CACNA1D: variants seen among roughly 807,000 people sequenced by gnomAD.
CACNA1D encodes the protein voltage-dependent L-type calcium channel subunit alpha-1D.
CACNA1D carries 55 observed loss-of-function variants against 257.1 expected under a neutral mutation model. The observed-to-expected ratio is 0.21, with a 90% CI of 0.17 to 0.27. CACNA1D has a LOEUF of 0.27. Among genes scored for constraint, CACNA1D ranks in the 10% least tolerant of loss-of-function variants. The pLI, the probability that CACNA1D is intolerant of heterozygous loss-of-function variation, is 1.00. For synonymous variants in CACNA1D, 980 were observed against 1,014.9 expected, an observed-to-expected ratio of 0.97 and a Z score of 0.65; for missense variants, 1,876 against 2,784.0, an observed-to-expected ratio of 0.67 and a Z score of 7.34.
Position 53,749,308 on chromosome 3 carries a change from G to A in CACNA1D, c.3355G>A (p.Gly1119Ser), listed in dbSNP as rs199788509. ...KAIDSNGENI[G>S]PIYNHRVEIS... ...CATCGACTCGAATGGAGAGAACATC[G>A]GCCCAATCTACAACCACCGCGTGGA... The change falls in exon 27 of 48, where the codon GGC (glycine) becomes AGC (serine). Residue 1119 changes from glycine (G) to serine (S), a missense_variant. Physicochemically the swap from Gly to Ser is moderately conservative, Grantham distance 56. Coordinates refer to ENST00000350061, the MANE Select transcript of CACNA1D (RefSeq NM_001128840.3). The A allele has an allele frequency of 1.2e-5, 19 of 1,613,914 alleles. No individual in the cohort carries two copies. In the Admixed American group the frequency reaches 1.5e-4, roughly 13 times the overall value.
intron 4 of CACNA1D, among the ~76,000 whole-genome samples, chr3:53,655,728 TG>T (rs989893788): frequency 7.9e-5 from 12 of 152,172 alleles, no homozygotes; most frequent in Admixed American, 7.9e-4. Context: ...TCTCTCATTC[TG>T]TAGGTTGTCT....
At chr3:53,530,145 A>G (rs932667083) in intron 3 of CACNA1D, among the ~76,000 whole-genome samples, 4 of 152,244 alleles carry the variant, frequency 2.6e-5, no homozygotes, top group African/African-American at 9.6e-5. Flanking sequence ...GAGCAGAGGT[A>G]AAGTATAGAA....
Position 53,776,641 on chromosome 3 carries a change from C to T in CACNA1D, c.4401C>T (p.Phe1467=), listed in dbSNP as rs747138141. ...TTGTGGCTGTCATCATGGATAATTT[C>T]GACTATCTGACCCGGGACTGGTCTA... ...NLFVAVIMDN[F]DYLTRDWSIL... Residue 1467 remains phenylalanine, a synonymous_variant, in exon 36 of 48, where the codon TTC becomes TTT. Transcript: ENST00000350061. The T allele has an allele frequency of 1.2e-5, 19 of 1,614,026 alleles. No homozygotes were observed. Among genetic ancestry groups the T allele is most frequent in the Middle Eastern group, 1.6e-4 (1 of 6,084 alleles).
intron 3 of CACNA1D, among the ~76,000 whole-genome samples, chr3:53,559,295 T>A (rs2092697723): frequency 6.6e-6 from 1 of 152,224 alleles, no homozygotes; most frequent in African/African-American, 2.4e-5. Context: ...AATTATTTGT[T>A]TGATAATTCT....
chr3:53,662,601 TGAG>T (rs1308954800), intron 5 of CACNA1D, among the ~76,000 whole-genome samples: 1 of 152,184 alleles, frequency 6.6e-6, no homozygotes. Context: ...TCACAGCTAG[TGAG>T]TAGCCAGACA....
intron 40 of CACNA1D, among the ~76,000 whole-genome samples, chr3:53,796,854 T>A (rs950554770): frequency 1.3e-5 from 2 of 152,216 alleles, no homozygotes; most frequent in African/African-American, 4.8e-5. Context: ...TTAAAATAAG[T>A]CAATAATGTT....
chr3:53,715,701 C>T (rs1190695521), intron 9 of CACNA1D, among the ~76,000 whole-genome samples: 1 of 152,176 alleles, frequency 6.6e-6, no homozygotes, highest in Admixed American at 6.5e-5. Flanking sequence ...TAGATCTGGC[C>T]AACCTGTGCA....
At chr3:53,561,775 A>G (rs1385750872) in intron 3 of CACNA1D, among the ~76,000 whole-genome samples, 2 of 152,192 alleles carry the variant, frequency 1.3e-5, no homozygotes, top group East Asian at 3.8e-4. Flanking sequence ...GCCTTGATGA[A>G]GTACTGGTAT....
chr3:53,777,570 C>T (rs1408765260), intron 37 of CACNA1D, among the ~76,000 whole-genome samples: 2 of 152,092 alleles, frequency 1.3e-5, no homozygotes, highest in African/African-American at 2.4e-5. Context: ...GACTTGGTGG[C>T]CTGGGTGAGG....
At chr3:53,652,679 G>A (rs1198822399) in intron 4 of CACNA1D, among the ~76,000 whole-genome samples, 3 of 152,204 alleles carry the variant, frequency 2.0e-5, no homozygotes, top group Admixed American at 6.5e-5. Context: ...TGGTAGTAGT[G>A]CTAAACTGGC....
In CACNA1D at chr3:53,639,390, C is replaced by CT. The variant is rs749259940; in HGVS notation, c.484-11376dup. Among the ~76,000 whole-genome samples the CT allele has an allele frequency of 9.3e-3, 1,339 of 144,508 alleles. 18 individuals are homozygous for CT. Among genetic ancestry groups the CT allele is most frequent in the African/African-American group, 0.028 (1,090 of 39,614 alleles). 94.8% of individuals were successfully genotyped at this position (144,508 alleles called of 152,430 possible). ...GGAAATGAGATTTCTCTCTCTCTCT[C>CT]TTTTTTTTTTTTTGGAGATGGAGTC... On this transcript the variant is annotated intron_variant, in intron 3 of 47. Transcript: ENST00000350061.
intron 46 of CACNA1D, chr3:53,809,453 C>T (rs1233667836): frequency 4.0e-5 from 8 of 199,838 alleles, no homozygotes; most frequent in Admixed American, 3.7e-4. Flanking sequence ...CCGTCCCTCT[C>T]TGCAGAGTGT....
chr3:53,661,627 T>C (rs2094204643), intron 5 of CACNA1D, among the ~76,000 whole-genome samples: 1 of 152,186 alleles, frequency 6.6e-6, no homozygotes, highest in Non-Finnish European at 1.5e-5. Context: ...AAAGAGCAAA[T>C]AACAGGACAG....
intron 3 of CACNA1D, among the ~76,000 whole-genome samples, chr3:53,601,926 G>T (rs951025147): frequency 2.0e-5 from 3 of 152,102 alleles, no homozygotes; most frequent in Non-Finnish European, 4.4e-5. Context: ...GGCCAGGCTG[G>T]TCTTGAACTC....
At chr3:53,577,550 C>T (rs542560747) in intron 3 of CACNA1D, among the ~76,000 whole-genome samples, 10 of 152,250 alleles carry the variant, frequency 6.6e-5, no homozygotes, top group South Asian at 6.2e-4. Flanking sequence ...TTTCCTGTTG[C>T]GGCCAAGGGA....
At chr3:53,724,034 G>A (rs369298827) in intron 14 of CACNA1D, 35 bp downstream of exon 14, 34 of 1,538,374 alleles carry the variant, frequency 2.2e-5, no homozygotes, top group Middle Eastern at 1.7e-4. Context: ...AAAGCACTTC[G>A]TGAGCAGCAG....
chr3:53,781,141 T>C (rs1035421824), intron 38 of CACNA1D, among the ~76,000 whole-genome samples: 1 of 152,150 alleles, frequency 6.6e-6, no homozygotes, highest in Non-Finnish European at 1.5e-5. Flanking sequence ...TGAGTACATA[T>C]AGTAGGAATT....
In CACNA1D at chr3:53,536,953, C is replaced by T. The variant is rs116268244; in HGVS notation, c.483+35233C>T. Among the ~76,000 whole-genome samples, 900 of 152,232 alleles carry T rather than the reference C, an allele frequency of 5.9e-3. 6 individuals carry two copies. The highest frequency in any genetic ancestry group is 0.021 in the African/African-American group (854 of 41,542). Reference sequence around the variant, plus strand: ...GTTTTGAAGTTCAGCTTTTAACTTTCGGTTATTTTTCTTTCTACTTTTATT... The same window carrying T: ...GTTTTGAAGTTCAGCTTTTAACTTTTGGTTATTTTTCTTTCTACTTTTATT... On this transcript the variant is annotated intron_variant, in intron 3 of 47. Coordinates refer to ENST00000350061, the MANE Select transcript of CACNA1D (RefSeq NM_001128840.3).
chr3:53,688,168 G>T (rs1264195714), intron 8 of CACNA1D, among the ~76,000 whole-genome samples: 2 of 152,198 alleles, frequency 1.3e-5, no homozygotes, highest in Non-Finnish European at 2.9e-5. Flanking sequence ...GCCCCTGTGG[G>T]GCTGTTGGAA....
Sources: allele counts gnomAD v4.1 joint callset (sites outside exome capture counted in the v4.1 genomes callset), GRCh38; gene constraint gnomAD v4.1.1; transcripts MANE v1.5; gene names NCBI Gene and HGNC (gene_info 2026-07-23, HGNC 2026-07-21).